Variants in LRRIQ3 observed in about 807,000 individuals in gnomAD.
LRRIQ3 encodes leucine-rich repeat and IQ domain-containing protein 3.
In LRRIQ3, 75 loss-of-function variants were observed where a neutral mutation model predicts 59.3. That is an observed-to-expected ratio of 1.26 (90% CI 1.05 to 1.53). LRRIQ3 has a LOEUF of 1.53. LRRIQ3 is among the 40% of genes most tolerant of loss of function. The pLI is 0.00. For synonymous variants in LRRIQ3, 250 were observed against 231.3 expected (o/e 1.08, Z -0.73); for missense variants, 831 against 710.0 (o/e 1.17, Z -1.94).
intron 6 of LRRIQ3, among the ~76,000 whole-genome samples, chr1:74,062,176 G>T (rs1654737863): frequency 6.6e-6 from 1 of 152,026 alleles, no homozygotes; most frequent in Non-Finnish European, 1.5e-5. Context: ...CAAAGGTCTA[G>T]TATCCAAAAA....
rs542240477 is a variant in LRRIQ3, at chr1:74,111,704, T to C, written c.708-2151A>G. On this transcript the variant is annotated intron_variant, in intron 4 of 7. Transcript: ENST00000354431. ...CAAGAAAATCTATTACATCTCAGTG[T>C]TAACAGTGAATCTTTGCCATTTAAA... 3.9e-5 allele frequency among the ~76,000 whole-genome samples: 6 copies of C among 152,168 alleles called. No homozygotes were observed. The South Asian group carries it at 1.2e-3, about 32-fold the overall frequency.
intron 3 of LRRIQ3, among the ~76,000 whole-genome samples, chr1:74,165,836 CTCT>C (rs112125194): frequency 0.021 from 3,206 of 151,516 alleles, 109 homozygotes; most frequent in African/African-American, 0.073. Flanking sequence ...GGTATGACAT[CTCT>C]TCTTTAGTCT....
chr1:74,098,926 G>GCC, intron 5 of LRRIQ3, among the ~76,000 whole-genome samples: 1 of 152,158 alleles, frequency 6.6e-6, no homozygotes, highest in African/African-American at 2.4e-5. Context: ...GAAATTTATA[G>GCC]CACCAAATGC....
chr1:74,161,625 A>T (rs1648664822), intron 3 of LRRIQ3, among the ~76,000 whole-genome samples: 1 of 151,900 alleles, frequency 6.6e-6, no homozygotes, highest in African/African-American at 2.4e-5. Flanking sequence ...AGAACCAAGT[A>T]GCCCTGGTCA....
At chr1:74,042,035 C>G in intron 6 of LRRIQ3, 102 bp from the exon 7 acceptor site, 1 of 1,181,434 alleles carries the variant, frequency 8.5e-7, no homozygotes, top group Non-Finnish European at 1.1e-6. Context: ...CTTTTATTTA[C>G]TTTACTAAGA....
chr1:74,050,949 C>A (rs563961644), intron 6 of LRRIQ3, among the ~76,000 whole-genome samples: 6 of 152,204 alleles, frequency 3.9e-5, no homozygotes, highest in Admixed American at 3.9e-4. Flanking sequence ...AATGACTTAT[C>A]TAAGATATGG....
chr1:74,100,683 A>G (rs1449532760), intron 5 of LRRIQ3, among the ~76,000 whole-genome samples: 1 of 152,198 alleles, frequency 6.6e-6, no homozygotes, highest in African/African-American at 2.4e-5. Context: ...GTAACCAAAA[A>G]CAGCATGGTA....
chr1:74,053,832 A>G (rs2100422808), intron 6 of LRRIQ3, among the ~76,000 whole-genome samples: 1 of 152,274 alleles, frequency 6.6e-6, no homozygotes, highest in Non-Finnish European at 1.5e-5. Context: ...CTACACACCT[A>G]CTAGAATGGC....
chr1:74,158,455 C>T (rs1648472799), intron 3 of LRRIQ3, among the ~76,000 whole-genome samples: 2 of 152,112 alleles, frequency 1.3e-5, no homozygotes, highest in South Asian at 2.1e-4. Context: ...AACTTAAATG[C>T]TTTTTGCCAT....
At position 74,055,158 on chromosome 1, in the gene LRRIQ3, C is replaced by G. The variant is rs192283895; in HGVS notation, c.998-13225G>C. 9.0e-4 allele frequency among the ~76,000 whole-genome samples: 126 copies of G among 140,264 alleles called. 2 individuals are homozygous for G. Among genetic ancestry groups the G allele is most frequent in the Admixed American group, 3.1e-3 (41 of 13,226 alleles). The allele number at this position is 140,264 out of a possible 152,430, so 92.0% of individuals were successfully genotyped here. A position where few individuals can be genotyped will look rare whatever the true frequency, so the allele number is the denominator to read the frequency against. On this transcript the variant is annotated intron_variant, in intron 6 of 7. Transcript: ENST00000354431. ...ATACACATGCATACATACACATACA[C>G]ACACATACATACATATACACTTTAT...
Position 74,041,698 on chromosome 1 carries a change from T to C in LRRIQ3, c.1233A>G (p.Gln411=), listed in dbSNP as rs760502168. Residue 411 remains glutamine (Q), a synonymous_variant, in exon 7 of 8, where the codon CAA becomes CAG. Coordinates refer to ENST00000354431, the MANE Select transcript of LRRIQ3 (RefSeq NM_001105659.2). ...ERSMKEFFAP[Q]RAGMKLRTFS... ...ATGTTCGGAGTTTCATACCAGCTCT[T>C]TGTGGTGCAAAAAACTCTTTCATAC... 3 of 1,613,610 alleles carry C rather than the reference T, an allele frequency of 1.9e-6. No individual in the cohort carries two copies. Among genetic ancestry groups the C allele is most frequent in the Non-Finnish European group, 2.5e-6 (3 of 1,179,772 alleles).
intron 6 of LRRIQ3, among the ~76,000 whole-genome samples, chr1:74,070,344 A>G (rs1654991894): frequency 6.6e-6 from 1 of 152,132 alleles, no homozygotes; most frequent in Non-Finnish European, 1.5e-5. Flanking sequence ...ATGGAGCTGG[A>G]GGCCATTATT....
chr1:74,135,905 A>T (rs1647114461), intron 4 of LRRIQ3, among the ~76,000 whole-genome samples: 1 of 151,826 alleles, frequency 6.6e-6, no homozygotes, highest in Non-Finnish European at 1.5e-5. Flanking sequence ...GAGAGAGGAA[A>T]TCAGTGAAAT....
intron 5 of LRRIQ3, among the ~76,000 whole-genome samples, chr1:74,097,175 T>C (rs10399739): frequency 0.82 from 124,259 of 152,084 alleles, 52,684 homozygotes; most frequent in East Asian, 0.97. Flanking sequence ...AAAGATTAGA[T>C]GAATGGCTTA....
In LRRIQ3 at chr1:74,026,744, T is replaced by C; in HGVS notation, c.*69A>G. 7.7e-7 allele frequency: 1 copy of C among 1,303,612 alleles called. No individual in the cohort carries two copies. Among genetic ancestry groups the C allele is most frequent in the Non-Finnish European group, 1.1e-6 (1 of 938,502 alleles). 80.8% of individuals were successfully genotyped at this position (1,303,612 alleles called of 1,614,324 possible). On this transcript the variant is annotated 3_prime_UTR_variant, in exon 8 of 8. Transcript: ENST00000354431. ...AGTATTTCTTGCTTTAGAGTATTAT[T>C]TCAAATTCCTTCAACTAAAAATAAT...
At chr1:74,146,224 A>T (rs1647560931) in intron 4 of LRRIQ3, among the ~76,000 whole-genome samples, 1 of 152,178 alleles carries the variant, frequency 6.6e-6, no homozygotes, top group Non-Finnish European at 1.5e-5. Flanking sequence ...CATCCTTGTC[A>T]TTAAGCAATG....
At chr1:74,119,320 T>C (rs1646819733) in intron 4 of LRRIQ3, among the ~76,000 whole-genome samples, 1 of 152,104 alleles carries the variant, frequency 6.6e-6, no homozygotes, top group Non-Finnish European at 1.5e-5. Context: ...TTTTGATATG[T>C]TGGTTGGTAG....
chr1:74,150,329 G>T (rs1372591477), intron 4 of LRRIQ3, among the ~76,000 whole-genome samples: 3 of 152,060 alleles, frequency 2.0e-5, no homozygotes, highest in Non-Finnish European at 2.9e-5. Flanking sequence ...TTTAAGCCAA[G>T]ATATTGGGGA....
intron 1 of LRRIQ3, among the ~76,000 whole-genome samples, chr1:74,190,810 A>G (rs564418183): frequency 6.6e-6 from 1 of 152,302 alleles, no homozygotes; most frequent in Non-Finnish European, 1.5e-5. Context: ...AGGATCACAG[A>G]TAATAACGAC....
Sources: gnomAD v4.1 joint callset for allele counts (sites outside exome capture counted in the v4.1 genomes callset) on GRCh38, gnomAD v4.1.1 for gene constraint, MANE v1.5 for transcripts, NCBI Gene and HGNC (gene_info 2026-07-23, HGNC 2026-07-21) for gene names.